Variants in RBMS3 observed in about 807,000 individuals in gnomAD.
RBMS3 encodes the protein RNA binding motif single stranded interacting protein 3.
RBMS3 carries 27 observed loss-of-function variants against 66.8 expected under a neutral mutation model. The observed-to-expected ratio is 0.40, with a 90% confidence interval of 0.30 to 0.56. RBMS3 has a LOEUF of 0.56. Ranked by LOEUF, RBMS3 falls within the 20% of genes least tolerant of loss-of-function variation. The pLI, the probability that RBMS3 is intolerant of heterozygous loss-of-function variation, is 0.40. For synonymous variants in RBMS3, 188 were observed against 183.0 expected (o/e 1.03, Z -0.22); for missense variants, 513 against 549.5 (o/e 0.93, Z 0.66).
chr3:29,473,038 T>G lies in RBMS3; in HGVS notation c.249-15403T>G, dbSNP rs149392485. On this transcript the variant is annotated intron_variant, in intron 2 of 14. Transcript: ENST00000383767. The stretch of plus-strand genomic sequence containing the variant: ...CCCATCAGAGTAGCTAGATACAGAG[T>G]GTAGATTGGTGCATTCACAAACCTT... 5.8e-3 allele frequency among the ~76,000 whole-genome samples: 872 copies of G among 151,180 alleles called. 19 individuals carry two copies. The highest frequency in any genetic ancestry group is 0.048 in the Admixed American group (717 of 15,010).
At chr3:29,615,706 C>T (rs2048647557) in intron 4 of RBMS3, among the ~76,000 whole-genome samples, 1 of 152,112 alleles carries the variant, frequency 6.6e-6, no homozygotes, top group South Asian at 2.1e-4. Flanking sequence ...CTGTGGTAAA[C>T]TTTAGCAACG....
At chr3:29,322,624 GA>G (rs570964414) in intron 1 of RBMS3, among the ~76,000 whole-genome samples, 29 of 146,608 alleles carry the variant, frequency 2.0e-4, no homozygotes, top group African/African-American at 3.8e-4. Flanking sequence ...TTTCACATAC[GA>G]AAAAAAAAAA....
intron 1 of RBMS3, among the ~76,000 whole-genome samples, chr3:29,361,795 A>G (rs1279022156): frequency 6.6e-6 from 1 of 152,008 alleles, no homozygotes; most frequent in Non-Finnish European, 1.5e-5. Flanking sequence ...CATTTCATTC[A>G]TTTGATCTTC....
intron 1 of RBMS3, among the ~76,000 whole-genome samples, chr3:29,361,282 G>T (rs942380656): frequency 1.3e-5 from 2 of 151,898 alleles, no homozygotes; most frequent in Admixed American, 6.6e-5. Flanking sequence ...GTCTGTAAAG[G>T]ATTTTATTTC....
intron 2 of RBMS3, among the ~76,000 whole-genome samples, chr3:29,441,009 G>C (rs890408964): frequency 2.0e-5 from 3 of 152,150 alleles, no homozygotes; most frequent in Non-Finnish European, 4.4e-5. Flanking sequence ...TTCTTACTGT[G>C]TCATTGAAGA....
chr3:29,577,647 G>A (rs1245388886), intron 3 of RBMS3, among the ~76,000 whole-genome samples: 1 of 152,208 alleles, frequency 6.6e-6, no homozygotes, highest in African/African-American at 2.4e-5. Flanking sequence ...CCCTCTGTGT[G>A]TGGGCATTGG....
chr3:29,430,278 T>C (rs1215645918), intron 1 of RBMS3, among the ~76,000 whole-genome samples: 1 of 152,150 alleles, frequency 6.6e-6, no homozygotes, highest in Non-Finnish European at 1.5e-5. Context: ...TGTGGATTGA[T>C]TGGTTCAATA....
intron 1 of RBMS3, among the ~76,000 whole-genome samples, chr3:29,388,222 A>G (rs1459472732): frequency 6.6e-6 from 1 of 152,192 alleles, no homozygotes; most frequent in East Asian, 1.9e-4. Context: ...CATATTCTAA[A>G]ATCACTCAGG....
At chr3:29,910,857 T>C (rs1301840049) in intron 10 of RBMS3, among the ~76,000 whole-genome samples, 1 of 151,888 alleles carries the variant, frequency 6.6e-6, no homozygotes, top group East Asian at 1.9e-4. Flanking sequence ...GAGTTTAGAG[T>C]TAGATTTTTC....
At chr3:29,419,006 G>C (rs949996661) in intron 1 of RBMS3, among the ~76,000 whole-genome samples, 1 of 152,072 alleles carries the variant, frequency 6.6e-6, no homozygotes, top group African/African-American at 2.4e-5. Flanking sequence ...GTCACTCTGG[G>C]TAGTAAAATG....
chr3:29,332,637 C>G (rs544991465), intron 1 of RBMS3, among the ~76,000 whole-genome samples: 51 of 152,194 alleles, frequency 3.4e-4, no homozygotes, highest in Middle Eastern at 3.4e-3. Context: ...AATAAATACT[C>G]GAAACATCCA....
chr3:29,944,224 G>T lies in RBMS3; in HGVS notation c.1068G>T (p.Arg356Ser), dbSNP rs1168542914. 1 of 1,592,080 alleles carries T rather than the reference G, an allele frequency of 6.3e-7. No individual in the cohort carries two copies. Among genetic ancestry groups the T allele is most frequent in the Middle Eastern group, 1.7e-4 (1 of 5,996 alleles). Residue 356 changes from arginine to serine, a missense_variant, in exon 12 of 15, where the codon AGG becomes AGT. Arg to Ser is a moderately radical substitution (Grantham distance 110, BLOSUM62 -1). Coordinates refer to ENST00000383767, the MANE Select transcript of RBMS3 (RefSeq NM_001003793.3). Reference sequence around the variant, plus strand: ...ATTCAAAGATTCAATCCCAAGACAGGATTATGATACTCCACCAGCTGTTGT... The same window carrying T: ...ATTCAAAGATTCAATCCCAAGACAGTATTATGATACTCCACCAGCTGTTGT... ...GTTGTIQSQD[R>S]IMILHQLLCQ...
chr3:29,668,293 G>A (rs2050849026), intron 4 of RBMS3, among the ~76,000 whole-genome samples: 1 of 152,192 alleles, frequency 6.6e-6, no homozygotes, highest in South Asian at 2.1e-4. Context: ...TGTCTTAGCA[G>A]ATCTTAGGGT....
At chr3:29,573,882 T>C (rs1292979169) in intron 3 of RBMS3, among the ~76,000 whole-genome samples, 2 of 152,190 alleles carry the variant, frequency 1.3e-5, no homozygotes, top group African/African-American at 4.8e-5. Context: ...CCAAAATTCC[T>C]CTTGTTGATT....
At chr3:29,613,966 C>T (rs2048574594) in intron 4 of RBMS3, among the ~76,000 whole-genome samples, 1 of 151,922 alleles carries the variant, frequency 6.6e-6, no homozygotes. Flanking sequence ...TCCAGCAATC[C>T]CGCTGCTGAG....
chr3:29,411,482 G>T (rs552755186), intron 1 of RBMS3, among the ~76,000 whole-genome samples: 6 of 152,066 alleles, frequency 3.9e-5, no homozygotes, highest in African/African-American at 9.7e-5. Context: ...TCAGATTAGC[G>T]CCTGTTTTCC....
chr3:29,850,977 C>T (rs2058919717), intron 6 of RBMS3, among the ~76,000 whole-genome samples: 2 of 152,190 alleles, frequency 1.3e-5, no homozygotes, highest in Non-Finnish European at 1.5e-5. Flanking sequence ...TTTTGTACTT[C>T]TAACCTTTTG....
intron 6 of RBMS3, among the ~76,000 whole-genome samples, chr3:29,815,260 G>A (rs1377426474): frequency 6.6e-6 from 1 of 152,038 alleles, no homozygotes; most frequent in Non-Finnish European, 1.5e-5. Flanking sequence ...ATCTGCACTC[G>A]AGCTTCCATG....
intron 3 of RBMS3, among the ~76,000 whole-genome samples, chr3:29,491,430 C>T (rs1255315966): frequency 6.6e-6 from 1 of 152,142 alleles, no homozygotes; most frequent in Non-Finnish European, 1.5e-5. Context: ...TTACATCTCT[C>T]TTTGTTTTTT....
Sources: gnomAD v4.1 joint callset for allele counts (sites outside exome capture counted in the v4.1 genomes callset) on GRCh38, gnomAD v4.1.1 for gene constraint, MANE v1.5 for transcripts, NCBI Gene and HGNC (gene_info 2026-07-23, HGNC 2026-07-21) for gene names.